Variants in IMPG1 observed in about 807,000 individuals in gnomAD.
The protein encoded by IMPG1 is interphotoreceptor matrix proteoglycan 1.
A neutral mutation model predicts 92.0 loss-of-function variants in IMPG1; 85 were observed. The observed-to-expected ratio is 0.92, with a 90% CI of 0.78 to 1.11. The LOEUF (loss-of-function observed/expected upper bound fraction) is 1.11. Among genes scored for constraint, IMPG1 ranks in the 50% least tolerant of loss-of-function variants. IMPG1 has a pLI of 0.00. For missense variants in IMPG1, 1,022 were observed against 956.0 expected (o/e 1.07, Z -0.91); for synonymous variants, 367 against 334.1 (o/e 1.10, Z -1.08).
At chr6:76,047,152 C>A (rs1289957548) in intron 1 of IMPG1, among the ~76,000 whole-genome samples, 1 of 152,218 alleles carries the variant, frequency 6.6e-6, no homozygotes, top group Non-Finnish European at 1.5e-5. Flanking sequence ...TACCCTTTCA[C>A]TGTGCTATTC....
At chr6:75,946,916 T>C (rs944216389) in intron 14 of IMPG1, among the ~76,000 whole-genome samples, 3 of 152,154 alleles carry the variant, frequency 2.0e-5, no homozygotes, top group Non-Finnish European at 4.4e-5. Flanking sequence ...GATTGAAAGA[T>C]TGCTTAGGTA....
chr6:75,947,719 A>AGTCCC (rs951871329), intron 13 of IMPG1, among the ~76,000 whole-genome samples, 186 bp from the exon 14 acceptor site: 5 of 152,166 alleles, frequency 3.3e-5, no homozygotes, highest in African/African-American at 1.2e-4. Context: ...TGCAGTGATT[A>AGTCCC]GTCCCATATT....
intron 4 of IMPG1, among the ~76,000 whole-genome samples, chr6:76,029,688 A>T (rs1458802556): frequency 6.6e-6 from 1 of 152,162 alleles, no homozygotes; most frequent in Non-Finnish European, 1.5e-5. Context: ...CTGCCAGGTG[A>T]TGGAATAAAT....
intron 4 of IMPG1, among the ~76,000 whole-genome samples, chr6:76,029,752 G>C (rs1783622389): frequency 6.6e-6 from 1 of 152,130 alleles, no homozygotes; most frequent in Non-Finnish European, 1.5e-5. Flanking sequence ...GGGAAGTAAA[G>C]ACCAAGGGAA....
chr6:76,005,322 TG>T lies in IMPG1; in HGVS notation c.1099del (p.Gln367AsnfsTer36), dbSNP rs1783075603. The T allele has an allele frequency of 6.2e-7, 1 of 1,613,932 alleles. No individual in the cohort carries two copies. On this transcript the variant is annotated frameshift_variant, in exon 10 of 17. Transcript: ENST00000369950. LOFTEE classifies it high-confidence loss of function. The part of the protein sequence containing the change: ...RLISKALEEE[Q>X]SLDVGTIQFT... The stretch of plus-strand genomic sequence containing the variant: ...CTGAATTGTCCCCACATCCAAAGAT[TG>T]TTCTTCCTCTAGTGCTTTGCTGATC...
rs1783518186 is a variant in IMPG1, at chr6:76,025,851, T to A, written c.498-593A>T. 2.6e-5 allele frequency among the ~76,000 whole-genome samples: 4 copies of A among 152,128 alleles called. No homozygotes were observed. The South Asian group carries it at 8.3e-4, about 31-fold the overall frequency. On this transcript the variant is annotated intron_variant, in intron 4 of 16. Coordinates refer to ENST00000369950, the MANE Select transcript of IMPG1 (RefSeq NM_001563.4). Reference sequence around the variant, plus strand: ...CATGGAATGATGATGTGGAAGAGATTCTAGGAGCAGATCCAAGGTCATGGT... The same window carrying A: ...CATGGAATGATGATGTGGAAGAGATACTAGGAGCAGATCCAAGGTCATGGT...
intron 12 of IMPG1, among the ~76,000 whole-genome samples, chr6:75,957,223 G>A (rs952460412): frequency 2.0e-5 from 3 of 152,156 alleles, no homozygotes; most frequent in African/African-American, 4.8e-5. Context: ...CAGCCGTTGA[G>A]TGAGTTTCTT....
In IMPG1 at chr6:75,947,468, G is replaced by A. The variant is rs145267469; in HGVS notation, c.1890C>T (p.Asn630=). 1.5e-4 allele frequency: 249 copies of A among 1,613,538 alleles called. No homozygotes were observed. The highest frequency in any genetic ancestry group is 4.9e-4 in the East Asian group (22 of 44,878). ...FKQLEILNFR[N]GSVIVNSKMK... ...TTTTGCTATTCACAATCACACTCCC[G>A]TTTCTGAAGTTAAGTATTTCAAGTT... The change falls in exon 14 of 17, where the codon AAC becomes AAT. Residue 630 remains asparagine, a synonymous_variant. Coordinates refer to ENST00000369950, the MANE Select transcript of IMPG1 (RefSeq NM_001563.4).
At chr6:75,972,278 C>A (rs1346586968) in intron 12 of IMPG1, among the ~76,000 whole-genome samples, 1 of 152,150 alleles carries the variant, frequency 6.6e-6, no homozygotes. Flanking sequence ...AACCAACATG[C>A]AAGATACGTA....
At chr6:76,040,169 G>T (rs1329794498) in intron 2 of IMPG1, among the ~76,000 whole-genome samples, 1 of 152,200 alleles carries the variant, frequency 6.6e-6, no homozygotes, top group Non-Finnish European at 1.5e-5. Flanking sequence ...TGTCATTGCT[G>T]TGGGGAGAAA....
intron 12 of IMPG1, among the ~76,000 whole-genome samples, chr6:75,974,343 C>A (rs1281969838): frequency 2.3e-5 from 2 of 86,166 alleles, no homozygotes. Flanking sequence ...TTCTTTCTTT[C>A]TTTCTTTCTT....
At chr6:75,961,798 G>T (rs1782215798) in intron 12 of IMPG1, among the ~76,000 whole-genome samples, 1 of 152,140 alleles carries the variant, frequency 6.6e-6, no homozygotes, top group Non-Finnish European at 1.5e-5. Context: ...GGCCACAGTG[G>T]AATTCTATAC....
At chr6:76,025,707 T>A (rs1783515051) in intron 4 of IMPG1, among the ~76,000 whole-genome samples, 2 of 152,180 alleles carry the variant, frequency 1.3e-5, no homozygotes, top group Non-Finnish European at 2.9e-5. Context: ...CTCTTGTGGT[T>A]ACAGTAATGG....
intron 4 of IMPG1, among the ~76,000 whole-genome samples, chr6:76,026,095 C>A (rs1783526676): frequency 6.6e-6 from 1 of 151,028 alleles, no homozygotes; most frequent in South Asian, 2.1e-4. Context: ...ATGCGGGAAG[C>A]ACTCTAGCAG....
intron 14 of IMPG1, among the ~76,000 whole-genome samples, chr6:75,945,071 A>C (rs1297089154): frequency 6.6e-6 from 1 of 152,208 alleles, no homozygotes; most frequent in Non-Finnish European, 1.5e-5. Context: ...GCTTCTTGGA[A>C]GAAAAGCTGC....
chr6:76,016,098 T>C (rs899245888), intron 7 of IMPG1, among the ~76,000 whole-genome samples: 2 of 152,188 alleles, frequency 1.3e-5, no homozygotes, highest in Non-Finnish European at 2.9e-5. Flanking sequence ...TTAGTACATA[T>C]AAAGCATTAA....
chr6:76,064,711 C>T (rs1562389916), intron 1 of IMPG1, among the ~76,000 whole-genome samples: 1 of 152,158 alleles, frequency 6.6e-6, no homozygotes, highest in South Asian at 2.1e-4. Flanking sequence ...TAGATCAGCC[C>T]ATTGCCTGGA....
chr6:76,035,502 A>C (rs2149488383), intron 2 of IMPG1, among the ~76,000 whole-genome samples: 2 of 41,632 alleles, frequency 4.8e-5, no homozygotes, highest in Middle Eastern at 0.012. Context: ...TCCGTCTCAA[A>C]AAAAAAAAAA....
intron 14 of IMPG1, among the ~76,000 whole-genome samples, chr6:75,945,351 T>C (rs1327302514): frequency 6.8e-6 from 1 of 147,394 alleles, no homozygotes; most frequent in Non-Finnish European, 1.5e-5. Context: ...TTCTCTTTTT[T>C]TTTTTTCTTT....
Sources: gnomAD v4.1 joint callset for allele counts (sites outside exome capture counted in the v4.1 genomes callset) on GRCh38, gnomAD v4.1.1 for gene constraint, MANE v1.5 for transcripts, NCBI Gene and HGNC (gene_info 2026-07-23, HGNC 2026-07-21) for gene names.